The following MYO1F variants were observed in gnomAD, a reference collection of about 807,000 sequenced individuals.
The protein encoded by MYO1F is unconventional myosin-If.
MYO1F carries 60 observed loss-of-function variants against 146.6 expected under a neutral mutation model. The ratio of observed to expected loss-of-function variants is 0.41; its 90% CI spans 0.33 to 0.51. MYO1F has a LOEUF of 0.51. Among genes scored for constraint, MYO1F ranks in the 20% least tolerant of loss-of-function variants. MYO1F has a pLI of 0.25. For synonymous variants in MYO1F, 602 were observed against 602.1 expected, an observed-to-expected ratio of 1.00 and a Z score of 0.00; for missense variants, 1,274 against 1,534.3, an observed-to-expected ratio of 0.83 and a Z score of 2.83.
intron 7 of MYO1F, 40 bp from the exon 8 acceptor site, chr19:8,551,914 G>A: frequency 6.2e-7 from 1 of 1,613,966 alleles, no homozygotes. Context: ...GTGCTTGCCT[G>A]GCTCAGCCCC....
At chr19:8,576,322 T>C (rs1555733811) in intron 1 of MYO1F, 1 of 152,254 alleles carries the variant, frequency 6.6e-6, no homozygotes, top group Admixed American at 6.6e-5. Context: ...TGAAAGAAGG[T>C]GTTGTCTCTC....
chr19:8,555,027 T>A (rs967097429), intron 2 of MYO1F, among the ~76,000 whole-genome samples: 1 of 151,554 alleles, frequency 6.6e-6, no homozygotes, highest in Non-Finnish European at 1.5e-5. Context: ...CCACTAATAA[T>A]ACAAAAAATT....
rs552758347 is a variant in MYO1F, at chr19:8,533,333, ATTCTTCTTC to A, written c.2044-2769_2044-2761del. Among the ~76,000 whole-genome samples the A allele has an allele frequency of 4.4e-5, 6 of 135,772 alleles. No homozygotes were observed. The South Asian group carries it at 7.1e-4, about 16-fold the overall frequency. The allele number at this position is 135,772 out of a possible 152,430, so 89.1% of individuals were successfully genotyped here. Reference sequence around the variant, plus strand: ...CGTGAGCCAGCGTGCCCAGCCTCAGATTCTTCTTCTTCTTCTTCTTCTTCTTTTTTTTTT... The same window carrying A: ...CGTGAGCCAGCGTGCCCAGCCTCAGATTCTTCTTCTTCTTCTTTTTTTTTT... On this transcript the variant is annotated intron_variant, in intron 19 of 27. Transcript: ENST00000644032.
chr19:8,569,325 T>A (rs192933995), intron 1 of MYO1F, among the ~76,000 whole-genome samples: 1 of 152,092 alleles, frequency 6.6e-6, no homozygotes, highest in Admixed American at 6.6e-5. Context: ...TGAAAGGCAG[T>A]CAGGGGCTTG....
In MYO1F at chr19:8,533,308, C is replaced by T. The variant is rs927028164; in HGVS notation, c.2044-2735G>A. 7.3e-5 allele frequency among the ~76,000 whole-genome samples: 11 copies of T among 150,618 alleles called. No individual in the cohort carries two copies. In the South Asian group the frequency reaches 8.4e-4, roughly 11 times the overall value. ...CCTCCCAAAGTGCTGGGATTACAGGCGTGAGCCAGCGTGCCCAGCCTCAGA... is the reference window on the plus strand; with the variant it reads ...CCTCCCAAAGTGCTGGGATTACAGGTGTGAGCCAGCGTGCCCAGCCTCAGA... On this transcript the variant is annotated intron_variant, in intron 19 of 27. Coordinates refer to ENST00000644032, the MANE Select transcript of MYO1F (RefSeq NM_012335.4).
At chr19:8,555,454 G>T in intron 2 of MYO1F, 1 of 608,886 alleles carries the variant, frequency 1.6e-6, no homozygotes, top group Non-Finnish European at 2.9e-6. Flanking sequence ...ACACGCTGGG[G>T]CTGAGCTTCC....
At chr19:8,540,839 G>A (rs182620823) in intron 15 of MYO1F, among the ~76,000 whole-genome samples, 123 of 152,168 alleles carry the variant, frequency 8.1e-4, no homozygotes, top group Non-Finnish European at 1.5e-5. Context: ...AAACCCTTAC[G>A]TGCACATGGA....
intron 2 of MYO1F, 181 bp downstream of exon 2, chr19:8,555,478 A>AGCAGTG (rs1247982925): frequency 1.5e-6 from 1 of 658,518 alleles, no homozygotes; most frequent in African/African-American, 1.8e-5. Flanking sequence ...GGACAGAGGG[A>AGCAGTG]GCAGTGGCAG....
At chr19:8,552,952 A>T (rs539815594) in intron 6 of MYO1F, among the ~76,000 whole-genome samples, 187 bp downstream of exon 6, 2 of 152,166 alleles carry the variant, frequency 1.3e-5, no homozygotes, top group Non-Finnish European at 2.9e-5. Context: ...AGTTCTGCCA[A>T]TGGGGGACTC....
chr19:8,572,042 G>C (rs2042120874), intron 1 of MYO1F, among the ~76,000 whole-genome samples: 1 of 152,154 alleles, frequency 6.6e-6, no homozygotes, highest in African/African-American at 2.4e-5. Context: ...GGGGACCCTT[G>C]TCTTTCTGGA....
At chr19:8,558,015 A>C (rs1436821594) in intron 1 of MYO1F, among the ~76,000 whole-genome samples, 1 of 151,776 alleles carries the variant, frequency 6.6e-6, no homozygotes, top group Non-Finnish European at 1.5e-5. Flanking sequence ...TTTGTTCCTC[A>C]GCTCTACCCT....
Position 8,548,355 on chromosome 19 carries a change from G to A in MYO1F, c.1102-38C>T, listed in dbSNP as rs770786394. The stretch of plus-strand genomic sequence containing the variant: ...TGGGGACAGGAAGTCAGTGGGCATC[G>A]GTCAGATCTGAAGCCCCTGCCCACC... On this transcript the variant is annotated intron_variant, in intron 10 of 27. Coordinates refer to ENST00000644032, the MANE Select transcript of MYO1F (RefSeq NM_012335.4). The A allele has an allele frequency of 1.9e-5, 30 of 1,592,970 alleles. No individual in the cohort carries two copies. The South Asian group carries it at 2.2e-4, about 12-fold the overall frequency.
intron 24 of MYO1F, among the ~76,000 whole-genome samples, chr19:8,526,039 G>C (rs1240407307): frequency 1.3e-5 from 2 of 152,080 alleles, no homozygotes; most frequent in Admixed American, 6.6e-5. Flanking sequence ...TTAAAAGTCT[G>C]TCTCTCTGGC....
At chr19:8,534,871 C>T (rs887173526) in intron 19 of MYO1F, among the ~76,000 whole-genome samples, 13 of 151,588 alleles carry the variant, frequency 8.6e-5, no homozygotes, top group Admixed American at 3.3e-4. Context: ...GTGATCCACT[C>T]GCCTCGGCTT....
At chr19:8,537,083 G>T in intron 16 of MYO1F, 28 bp from the exon 17 acceptor site, 3 of 1,491,910 alleles carry the variant, frequency 2.0e-6, no homozygotes, top group Middle Eastern at 1.7e-4. Context: ...ACGGGTGGGT[G>T]GGGGGCACAG....
In MYO1F at chr19:8,525,482, T is replaced by TGGGGGGCGC; in HGVS notation, c.2842_2850dup (p.Ala948_Pro950dup). ...AGCAAGGGACGCAGCTCCTCACCTC[T>TGGGGGGCGC]GGGGGGCGCAGGGGCCGCCCGGGTA... On this transcript the variant is annotated inframe_insertion, in exon 25 of 28. Coordinates refer to ENST00000644032, the MANE Select transcript of MYO1F (RefSeq NM_012335.4). The TGGGGGGCGC allele has an allele frequency of 7.4e-6, 12 of 1,613,056 alleles. 1 individual carries two copies. Among genetic ancestry groups the TGGGGGGCGC allele is most frequent in the Middle Eastern group, 1.6e-4 (1 of 6,062 alleles).
chr19:8,552,917 T>C (rs908400571), intron 6 of MYO1F, among the ~76,000 whole-genome samples: 4 of 152,176 alleles, frequency 2.6e-5, no homozygotes, highest in African/African-American at 9.6e-5. Context: ...TTAAGAATGT[T>C]ACACAGGGGT....
At chr19:8,533,732 CTG>C (rs1972589605) in intron 19 of MYO1F, among the ~76,000 whole-genome samples, 1 of 152,126 alleles carries the variant, frequency 6.6e-6, no homozygotes, top group African/African-American at 2.4e-5. Flanking sequence ...ACCTGCGGAA[CTG>C]TGAGAGAATA....
intron 17 of MYO1F, 125 bp from the exon 18 acceptor site, chr19:8,536,722 T>C (rs1599935957): frequency 4.5e-6 from 1 of 221,830 alleles, no homozygotes; most frequent in Non-Finnish European, 8.4e-6. Flanking sequence ...GTTTGGGGGG[T>C]GAGTTCTGTG....
Sources: allele counts gnomAD v4.1 joint callset (sites outside exome capture counted in the v4.1 genomes callset), GRCh38; gene constraint gnomAD v4.1.1; transcripts MANE v1.5; gene names NCBI Gene and HGNC (gene_info 2026-07-23, HGNC 2026-07-21).